Variants in KLHL29 observed in about 807,000 individuals in gnomAD.
KLHL29 encodes kelch-like protein 29.
KLHL29 carries 21 observed loss-of-function variants against 80.4 expected under a neutral mutation model. That is an observed-to-expected ratio of 0.26 (90% CI 0.19 to 0.38). The LOEUF is 0.38. KLHL29 is among the 10% of genes least tolerant of loss of function. The pLI, the probability that KLHL29 is intolerant of heterozygous loss-of-function variation, is 1.00. For missense variants in KLHL29, 867 were observed against 1,223.9 expected (o/e 0.71, Z 4.35); for synonymous variants, 511 against 526.8 (o/e 0.97, Z 0.41).
At position 23,681,213 on chromosome 2, in the gene KLHL29, C is replaced by A. The variant is rs912122205; in HGVS notation, c.941-3186C>A. ...ATCGATACTAGGAATGCACTTGGGGCCTGCTGGGAATCCCCTGGTGAGCAC... is the reference window on the plus strand; with the variant it reads ...ATCGATACTAGGAATGCACTTGGGGACTGCTGGGAATCCCCTGGTGAGCAC... On this transcript the variant is annotated intron_variant, in intron 5 of 13. Transcript: ENST00000486442. This position sits in a 1 kb window ranked among gnomAD's most constrained non-coding sequence, Gnocchi z 4.2. Among the ~76,000 whole-genome samples the A allele has an allele frequency of 3.9e-5, 6 of 152,220 alleles. No homozygotes were observed. The highest frequency in any genetic ancestry group is 5.9e-5 in the Non-Finnish European group (4 of 68,040).
At chr2:23,540,096 C>T (rs1048663081) in intron 2 of KLHL29, among the ~76,000 whole-genome samples, 5 of 152,178 alleles carry the variant, frequency 3.3e-5, no homozygotes, top group Non-Finnish European at 7.3e-5. Context: ...GTTAGACCCT[C>T]CTCAGTCCTT....
intron 5 of KLHL29, chr2:23,643,828 C>T (rs1247205081): frequency 2.0e-5 from 3 of 152,258 alleles, no homozygotes; most frequent in South Asian, 4.1e-4. Context: ...CAGTCTGGCC[C>T]AACGGGGTGT....
At chr2:23,558,343 A>G (rs899238970) in intron 2 of KLHL29, among the ~76,000 whole-genome samples, 18 of 151,908 alleles carry the variant, frequency 1.2e-4, no homozygotes, top group Middle Eastern at 3.4e-3. Flanking sequence ...ACATGCAGAT[A>G]TTCTCCATTC....
chr2:23,581,951 G>A (rs2103510053), intron 3 of KLHL29, among the ~76,000 whole-genome samples: 1 of 151,892 alleles, frequency 6.6e-6, no homozygotes. Flanking sequence ...CACTCATCAA[G>A]TGGGTTGCTT....
chr2:23,671,851 C>A (rs768693217), intron 5 of KLHL29: 13 of 152,308 alleles, frequency 8.5e-5, no homozygotes, highest in Non-Finnish European at 1.8e-4. Context: ...AGACTGCGCC[C>A]ATGTAGGACG....
intron 1 of KLHL29, among the ~76,000 whole-genome samples, chr2:23,422,932 C>T: frequency 6.6e-6 from 1 of 152,248 alleles, no homozygotes; most frequent in African/African-American, 2.4e-5. Flanking sequence ...GTCACTCGCC[C>T]ACACCTCTGT....
At chr2:23,395,120 T>C (rs1043983707) in intron 1 of KLHL29, among the ~76,000 whole-genome samples, 10 of 152,120 alleles carry the variant, frequency 6.6e-5, no homozygotes, top group Non-Finnish European at 1.2e-4. Context: ...CTCAATGAAT[T>C]GTGTTGAGGT....
chr2:23,650,809 A>C (rs538437461), intron 5 of KLHL29, among the ~76,000 whole-genome samples: 3 of 152,272 alleles, frequency 2.0e-5, no homozygotes, highest in Admixed American at 2.0e-4. Flanking sequence ...TGCCAGGAAA[A>C]GTATGCCATG....
chr2:23,437,610 C>T (rs944975423), intron 1 of KLHL29, among the ~76,000 whole-genome samples: 7 of 152,322 alleles, frequency 4.6e-5, no homozygotes, highest in African/African-American at 1.7e-4. Context: ...TACAGCCTGT[C>T]TCAGTTTATA....
In KLHL29 at chr2:23,695,968, G is replaced by A. The variant is rs750631673; in HGVS notation, c.1759G>A (p.Val587Ile). 9.0e-6 allele frequency: 14 copies of A among 1,551,506 alleles called. No homozygotes were observed. The highest frequency in any genetic ancestry group is 4.8e-5 in the South Asian group (4 of 84,054). The change falls in exon 10 of 14, where the codon GTC (valine) becomes ATC (isoleucine). Residue 587 changes from valine to isoleucine, a missense_variant. This residue lies in a region of KLHL29 where 443 missense variants were observed against 767.0 expected (regional missense o/e 0.58). Transcript: ENST00000486442. This position sits in a 1 kb window ranked among gnomAD's most constrained non-coding sequence, Gnocchi z 7.6. ...RLSAGVAEVI[V>I]LVGGRQMVGM... ...CCCTGCAGGTGTGGCTGAGGTCATC[G>A]TCTTGGTTGGGGGCCGTCAGATGGT... is the stretch of plus-strand genomic sequence containing the variant.
intron 1 of KLHL29, among the ~76,000 whole-genome samples, chr2:23,451,891 G>A (rs1214558239): frequency 6.6e-6 from 1 of 152,166 alleles, no homozygotes; most frequent in Non-Finnish European, 1.5e-5. Flanking sequence ...TGTCTAGGAA[G>A]CATGGCACTG....
chr2:23,667,797 G>A (rs1670595390), intron 5 of KLHL29: 1 of 152,470 alleles, frequency 6.6e-6, no homozygotes, highest in African/African-American at 2.4e-5. Context: ...CCTTCGAGGT[G>A]ACTTCCAGGT....
At chr2:23,521,435 G>A (rs1309053667) in intron 2 of KLHL29, among the ~76,000 whole-genome samples, 1 of 152,246 alleles carries the variant, frequency 6.6e-6, no homozygotes, top group Non-Finnish European at 1.5e-5. Context: ...CAGGGTTTCA[G>A]AGTCAGGGCC....
intron 1 of KLHL29, among the ~76,000 whole-genome samples, chr2:23,433,727 A>T (rs147790349): frequency 7.2e-4 from 110 of 152,250 alleles, no homozygotes; most frequent in African/African-American, 2.6e-3. Flanking sequence ...TAGCCCAGGC[A>T]ACATAATGAG....
intron 3 of KLHL29, among the ~76,000 whole-genome samples, chr2:23,609,732 G>A (rs1668811754): frequency 6.6e-6 from 1 of 152,120 alleles, no homozygotes; most frequent in Non-Finnish European, 1.5e-5. Flanking sequence ...CCTACTACAA[G>A]CACTTTGCGT....
chr2:23,504,812 G>A (rs972779330), intron 2 of KLHL29, among the ~76,000 whole-genome samples: 17 of 152,222 alleles, frequency 1.1e-4, no homozygotes, highest in African/African-American at 3.6e-4. Flanking sequence ...CTGCTCAGGG[G>A]CCTTGTGTGC....
At chr2:23,431,939 T>C (rs1263982893) in intron 1 of KLHL29, among the ~76,000 whole-genome samples, 4 of 149,934 alleles carry the variant, frequency 2.7e-5, no homozygotes, top group Non-Finnish European at 5.9e-5. Context: ...AAAACACATG[T>C]TCATTATTTA....
chr2:23,684,703 A>G lies in KLHL29; in HGVS notation c.1079+166A>G, dbSNP rs973047222. On this transcript the variant is annotated intron_variant, in intron 6 of 13. Coordinates refer to ENST00000486442, the MANE Select transcript of KLHL29 (RefSeq NM_052920.2). The surrounding 1 kb of genome is among the most constrained non-coding windows in gnomAD (Gnocchi z 4.4). Reference sequence around the variant, plus strand: ...CTCCTCCTCCCCAGTACCCTCTCACACACAGCCTCAGAGCAGCCACTGCGC... The same window carrying G: ...CTCCTCCTCCCCAGTACCCTCTCACGCACAGCCTCAGAGCAGCCACTGCGC... Among the ~76,000 whole-genome samples, 2 of 151,320 alleles carry G rather than the reference A, an allele frequency of 1.3e-5. No homozygotes were observed. Among genetic ancestry groups the G allele is most frequent in the African/African-American group, 4.9e-5 (2 of 41,154 alleles).
chr2:23,641,115 A>G (rs944130523), intron 4 of KLHL29, among the ~76,000 whole-genome samples: 19 of 152,038 alleles, frequency 1.2e-4, no homozygotes, highest in Non-Finnish European at 2.9e-5. Flanking sequence ...ACCTGGACCC[A>G]GGCTCATTTA....
Sources: gnomAD v4.1 joint callset for allele counts (sites outside exome capture counted in the v4.1 genomes callset) on GRCh38, gnomAD v4.1.1 for gene constraint, gnomAD v4.1.1 regional missense constraint, Gnocchi (gnomAD v3.1) non-coding constraint, MANE v1.5 for transcripts, NCBI Gene and HGNC (gene_info 2026-07-23, HGNC 2026-07-21) for gene names.